Variants in NBEAL2 observed in about 807,000 individuals in gnomAD.
The protein encoded by NBEAL2 is neurobeachin like 2.
In NBEAL2, 160 loss-of-function variants were observed where a neutral mutation model predicts 299.8. The ratio of observed to expected loss-of-function variants is 0.53; its 90% confidence interval spans 0.47 to 0.61. NBEAL2 has a LOEUF of 0.61. NBEAL2 is among the 20% of genes least tolerant of loss of function. The pLI is 0.00. For synonymous variants in NBEAL2, 1,493 were observed against 1,542.3 expected (o/e 0.97, Z 0.75); for missense variants, 3,112 against 3,649.0 (o/e 0.85, Z 3.79).
chr3:47,008,115 T>C lies in NBEAL2; in HGVS notation c.7648T>C (p.Tyr2550His), dbSNP rs1559623858. ...GGCACCAAAGCCTGTGCAGGTCCTGTATGGGCATGGGGCTGCAGTGAGCTG... is the reference window on the plus strand; with the variant it reads ...GGCACCAAAGCCTGTGCAGGTCCTGCATGGGCATGGGGCTGCAGTGAGCTG... ...GLAPKPVQVL[Y>H]GHGAAVSCVA... Residue 2550 changes from tyrosine to histidine, a missense_variant, in exon 50 of 54, where the codon TAT (tyrosine) becomes CAT (histidine). Transcript: ENST00000450053. 6.2e-7 allele frequency: 1 copy of C among 1,614,004 alleles called. No homozygotes were observed. Among genetic ancestry groups the C allele is most frequent in the Non-Finnish European group, 8.5e-7 (1 of 1,179,870 alleles).
In NBEAL2 at chr3:46,989,114, G is replaced by T. The variant is rs374522449; in HGVS notation, c.299G>T (p.Gly100Val). 1.2e-6 allele frequency: 2 copies of T among 1,613,814 alleles called. No homozygotes were observed. Among genetic ancestry groups the T allele is most frequent in the South Asian group, 2.2e-5 (2 of 91,074 alleles). ...RNLENIEAGR[G>V]QVLVPRVLAL... The stretch of plus-strand genomic sequence containing the variant: ...CTGGAGAACATAGAGGCAGGCCGGG[G>T]CCAAGTGCTAGTGCCCCGAGTGCTG... The change falls in exon 4 of 54, where the codon GGC (glycine) becomes GTC (valine). Residue 100 changes from glycine (G) to valine (V), a missense_variant. By Grantham distance (109) the Gly-to-Val change is moderately radical (BLOSUM62 -3). Transcript: ENST00000450053. This position sits in a 1 kb window ranked among gnomAD's most constrained non-coding sequence, Gnocchi z 5.5.
chr3:46,989,098 A>G lies in NBEAL2; in HGVS notation c.283A>G (p.Ile95Val). ...TGACTCCCCCAGGAACCTGGAGAAC[A>G]TAGAGGCAGGCCGGGGCCAAGTGCT... ...FIILCRNLENIEAGRGQVLVP... is the reference protein window; with the variant it reads ...FIILCRNLENVEAGRGQVLVP... Residue 95 changes from isoleucine (I) to valine (V), a missense_variant, in exon 4 of 54, where the codon ATA becomes GTA. Transcript: ENST00000450053. The surrounding 1 kb of genome is among the most constrained non-coding windows in gnomAD (Gnocchi z 5.5). 5 of 1,613,818 alleles carry G rather than the reference A, an allele frequency of 3.1e-6. No individual in the cohort carries two copies. The highest frequency in any genetic ancestry group is 1.3e-5 in the African/African-American group (1 of 75,048).
In NBEAL2 at chr3:46,997,322, C is replaced by T. The variant is rs2036575136; in HGVS notation, c.2713C>T (p.Gln905Ter). ...GCCCCTGCTGGAGCGAGTAGCTGCACAGCCCAAAGAGGCTGAAGCAGGTCC... is the reference window on the plus strand; with the variant it reads ...GCCCCTGCTGGAGCGAGTAGCTGCATAGCCCAAAGAGGCTGAAGCAGGTCC... ...LLPLLERVAA[Q>*]PKEAEAGPAE... Residue 905 changes from glutamine (Q) to a stop codon, truncating the protein, a stop_gained, in exon 19 of 54, where the codon CAG becomes TAG. Coordinates refer to ENST00000450053, the MANE Select transcript of NBEAL2 (RefSeq NM_015175.3). LOFTEE classifies it high-confidence loss of function. 6.2e-7 allele frequency: 1 copy of T among 1,613,008 alleles called. No homozygotes were observed. Among genetic ancestry groups the T allele is most frequent in the Non-Finnish European group, 8.5e-7 (1 of 1,179,846 alleles).
Position 47,003,194 on chromosome 3 carries a change from A to G in NBEAL2, c.5605A>G (p.Thr1869Ala). 6.2e-7 allele frequency: 1 copy of G among 1,610,494 alleles called. No homozygotes were observed. Among genetic ancestry groups the G allele is most frequent in the South Asian group, 1.1e-5 (1 of 90,918 alleles). ...TGCAGGTGAGGTTCCCCTGACACCC[A>G]CCGAGGAGGCCTCACTGCCTCTGGC... Reference protein sequence around the residue: ...DNLGEVPLTPTEEASLPLAVT... With the variant: ...DNLGEVPLTPAEEASLPLAVT... The change falls in exon 35 of 54, where the codon ACC becomes GCC. Residue 1869 changes from threonine (T) to alanine (A), a missense_variant. Thr to Ala is a moderately conservative substitution (Grantham distance 58). Coordinates refer to ENST00000450053, the MANE Select transcript of NBEAL2 (RefSeq NM_015175.3). This position sits in a 1 kb window ranked among gnomAD's most constrained non-coding sequence, Gnocchi z 7.0.
Position 46,996,737 on chromosome 3 carries a change from T to C in NBEAL2, c.2474-14T>C. The C allele has an allele frequency of 6.2e-7, 1 of 1,610,460 alleles. No individual in the cohort carries two copies. Among genetic ancestry groups the C allele is most frequent in the African/African-American group, 1.3e-5 (1 of 74,992 alleles). The stretch of plus-strand genomic sequence containing the variant: ...AGGCCTAGCAAGGTCTGAAGCCCCC[T>C]GCCCACCTCCCAGGGCCCAATGAGA... On this transcript the variant is annotated splice_polypyrimidine_tract_variant and intron_variant, in intron 16 of 53. Transcript: ENST00000450053.
At position 46,995,839 on chromosome 3, in the gene NBEAL2, C is replaced by CT; in HGVS notation, c.2025dup (p.Ala676CysfsTer42). ...TTGCCCGAAGTGTCCTTTGCCGACT[C>CT]TGCCTGGGTGAGACCCCATCCTTCT... On this transcript the variant is annotated frameshift_variant, in exon 14 of 54. Coordinates refer to ENST00000450053, the MANE Select transcript of NBEAL2 (RefSeq NM_015175.3). LOFTEE classifies it high-confidence loss of function. The CT allele has an allele frequency of 6.2e-7, 1 of 1,613,878 alleles. No individual in the cohort carries two copies. The highest frequency in any genetic ancestry group is 8.5e-7 in the Non-Finnish European group (1 of 1,179,866).
intron 16 of NBEAL2, 72 bp from the exon 17 acceptor site, chr3:46,996,679 T>C: frequency 6.4e-7 from 1 of 1,559,132 alleles, no homozygotes. Context: ...GTCTCTCCTG[T>C]GGTCAGGCAG....
chr3:46,980,604 G>C (rs2035260430), intron 1 of NBEAL2, among the ~76,000 whole-genome samples: 1 of 152,078 alleles, frequency 6.6e-6, no homozygotes, highest in African/African-American at 2.4e-5. Context: ...TTGAGGCCCT[G>C]AGGGATGTCT....
At chr3:46,986,334 C>G (rs1251697574) in intron 1 of NBEAL2, among the ~76,000 whole-genome samples, 2 of 152,118 alleles carry the variant, frequency 1.3e-5, no homozygotes, top group Non-Finnish European at 2.9e-5. Flanking sequence ...AAGGTGATGG[C>G]CACCAGGAGG....
rs536584343 is a variant in NBEAL2 at position 47,004,820 on chromosome 3, A to G, written c.6295-152A>G. 565 of 1,216,798 alleles carry G rather than the reference A, an allele frequency of 4.6e-4. 3 individuals carry two copies. In the African/African-American group the frequency reaches 5.6e-3, roughly 12 times the overall value. 75.4% of individuals were successfully genotyped at this position (1,216,798 alleles called of 1,614,324 possible). Reference sequence around the variant, plus strand: ...CTCAAAAGGAATCCTGTTCCAGGACACTCTGTCCTTCTCCCCTGTGACCCC... The same window carrying G: ...CTCAAAAGGAATCCTGTTCCAGGACGCTCTGTCCTTCTCCCCTGTGACCCC... On this transcript the variant is annotated intron_variant, in intron 38 of 53. Coordinates refer to ENST00000450053, the MANE Select transcript of NBEAL2 (RefSeq NM_015175.3). The surrounding 1 kb of genome is among the most constrained non-coding windows in gnomAD (Gnocchi z 5.0).
chr3:47,000,073 C>T lies in NBEAL2; in HGVS notation c.3974C>T (p.Pro1325Leu). ...PAPPKPPTES[P>L]AEPSDVFLPS... ...CCACCCAAGCCACCCACTGAGTCAC[C>T]TGCTGAGCCTTCAGATGTCTTCCTG... The change falls in exon 27 of 54, where the codon CCT (proline) becomes CTT (leucine). Residue 1325 changes from proline (P) to leucine (L), a missense_variant. By Grantham distance (98) the Pro-to-Leu change is moderately conservative (BLOSUM62 -3). Around this residue, in one of 3 missense-constraint regions of NBEAL2, gnomAD observed 2,243 missense variants for 2,538.1 expected, o/e 0.88. Transcript: ENST00000450053. This position sits in a 1 kb window ranked among gnomAD's most constrained non-coding sequence, Gnocchi z 4.5. The T allele has an allele frequency of 6.2e-7, 1 of 1,613,708 alleles. No individual in the cohort carries two copies. Among genetic ancestry groups the T allele is most frequent in the African/African-American group, 1.3e-5 (1 of 75,020 alleles).
In NBEAL2 at chr3:47,002,419, C is replaced by A. The variant is rs2037083184; in HGVS notation, c.5200C>A (p.His1734Asn). The A allele has an allele frequency of 6.2e-7, 1 of 1,613,484 alleles. No individual in the cohort carries two copies. Among genetic ancestry groups the A allele is most frequent in the Non-Finnish European group, 8.5e-7 (1 of 1,179,912 alleles). ...CGAAATGGACACGTATGCTAAGAGC[C>A]ACGACCTTATGTCAGGTTTCTGGAA... ...QFEMDTYAKS[H>N]DLMSGFWNAC... Residue 1734 changes from histidine (H) to asparagine (N), a missense_variant, in exon 32 of 54, where the codon CAC becomes AAC. By Grantham distance (68) the His-to-Asn change is moderately conservative. Coordinates refer to ENST00000450053, the MANE Select transcript of NBEAL2 (RefSeq NM_015175.3).
Position 46,991,506 on chromosome 3 carries a change from C to T in NBEAL2, c.743C>T (p.Pro248Leu). ...RGPAPDPCLV[P>L]LALEALVGAV... ...CCAGCCCCGGACCCGTGCCTAGTGC[C>T]ACTGGCTCTAGAGGCACTGGTAGGT... The change falls in exon 8 of 54, where the codon CCA becomes CTA. Residue 248 changes from proline to leucine, a missense_variant. By Grantham distance (98) the Pro-to-Leu change is moderately conservative. Transcript: ENST00000450053. The surrounding 1 kb of genome is among the most constrained non-coding windows in gnomAD (Gnocchi z 6.2). The T allele has an allele frequency of 6.2e-7, 1 of 1,611,878 alleles. No homozygotes were observed. Among genetic ancestry groups the T allele is most frequent in the African/African-American group, 1.3e-5 (1 of 75,064 alleles).
intron 41 of NBEAL2, 34 bp from the exon 42 acceptor site, chr3:47,005,704 A>G (rs755242637): frequency 4.4e-5 from 71 of 1,612,658 alleles, no homozygotes; most frequent in Admixed American, 1.0e-4. Context: ...GTCGGGATGG[A>G]CAGGGAGACA....
rs898413926 is a variant in NBEAL2, at chr3:46,998,561, T to G, written c.3217T>G (p.Tyr1073Asp). The change falls in exon 22 of 54, where the codon TAC becomes GAC. Residue 1073 changes from tyrosine to aspartate, a missense_variant. Transcript: ENST00000450053. Reference sequence around the variant, plus strand: ...TATCTTGGATGCTCTGCGCACCCACTACAGGTGAGGCCAGTGGGGCCAGAT... The same window carrying G: ...TATCTTGGATGCTCTGCGCACCCACGACAGGTGAGGCCAGTGGGGCCAGAT... ...QFILDALRTH[Y>D]SPQRERPLAA... is the part of the protein sequence containing the mutation. The G allele has an allele frequency of 6.2e-6, 10 of 1,609,790 alleles. No individual in the cohort carries two copies. The highest frequency in any genetic ancestry group is 8.5e-6 in the Non-Finnish European group (10 of 1,178,258).
rs371342677 is a variant in NBEAL2 at position 47,004,053 on chromosome 3, C to T, written c.5882-24C>T. On this transcript the variant is annotated intron_variant, in intron 36 of 53. Coordinates refer to ENST00000450053, the MANE Select transcript of NBEAL2 (RefSeq NM_015175.3). This position sits in a 1 kb window ranked among gnomAD's most constrained non-coding sequence, Gnocchi z 5.0. ...GGGTGGGGCTGGGGTGAGTGACTCC[C>T]GTACCTGCTGTTCCTCCCCATAGGC... The T allele has an allele frequency of 1.6e-4, 262 of 1,607,134 alleles. No individual in the cohort carries two copies. Among genetic ancestry groups the T allele is most frequent in the Non-Finnish European group, 2.1e-4 (247 of 1,175,490 alleles).
Position 47,002,070 on chromosome 3 carries a change from G to A in NBEAL2, c.4933G>A (p.Ala1645Thr). Residue 1645 changes from alanine to threonine, a missense_variant, in exon 31 of 54, where the codon GCA (alanine) becomes ACA (threonine). Ala to Thr is a moderately conservative substitution (Grantham distance 58, BLOSUM62 0). Coordinates refer to ENST00000450053, the MANE Select transcript of NBEAL2 (RefSeq NM_015175.3). ...TSSLESATDEAGSPLAAAAAA... is the reference protein window; with the variant it reads ...TSSLESATDETGSPLAAAAAA... ...TTCCTTGGAGTCAGCCACTGATGAG[G>A]CAGGGTCCCCACTTGCAGCTGCAGC... The A allele has an allele frequency of 6.4e-7, 1 of 1,552,566 alleles. No individual in the cohort carries two copies.
In NBEAL2 at chr3:46,991,319, G is replaced by A. The variant is rs770509779; in HGVS notation, c.642+15G>A. On this transcript the variant is annotated intron_variant, in intron 7 of 53. Transcript: ENST00000450053. The surrounding 1 kb of genome is among the most constrained non-coding windows in gnomAD (Gnocchi z 6.2). Reference sequence around the variant, plus strand: ...CTGGAGGAAAGGTAGGCTGGGAGGTGAGCCTGTGGACTAGAGAGCAGCTCT... The same window carrying A: ...CTGGAGGAAAGGTAGGCTGGGAGGTAAGCCTGTGGACTAGAGAGCAGCTCT... 2 of 1,593,748 alleles carry A rather than the reference G, an allele frequency of 1.3e-6. No homozygotes were observed. The highest frequency in any genetic ancestry group is 1.3e-5 in the African/African-American group (1 of 74,564).
chr3:47,003,422 C>A lies in NBEAL2; in HGVS notation c.5720+113C>A. 1 of 1,426,170 alleles carries A rather than the reference C, an allele frequency of 7.0e-7. No homozygotes were observed. The highest frequency in any genetic ancestry group is 1.4e-5 in the South Asian group (1 of 71,558). The allele number at this position is 1,426,170 out of a possible 1,614,324, so 88.3% of individuals were successfully genotyped here. ...GAGTGTGTCCTCTTCTGCTGCCCGA[C>A]TACGTCCCCCTGAAGGGACTGTCCA... On this transcript the variant is annotated intron_variant, in intron 35 of 53. Transcript: ENST00000450053. This position sits in a 1 kb window ranked among gnomAD's most constrained non-coding sequence, Gnocchi z 7.0.
Sources: allele counts gnomAD v4.1 joint callset (sites outside exome capture counted in the v4.1 genomes callset), GRCh38; gene constraint gnomAD v4.1.1; regional missense constraint gnomAD v4.1.1; non-coding constraint Gnocchi (gnomAD v3.1); transcripts MANE v1.5; gene names NCBI Gene and HGNC (gene_info 2026-07-23, HGNC 2026-07-21).